SLC35F3: variants seen among roughly 807,000 people sequenced by gnomAD.
SLC35F3 encodes solute carrier family 35 member F3.
In SLC35F3, 25 loss-of-function variants were observed where a neutral mutation model predicts 49.9. The ratio of observed to expected loss-of-function variants is 0.50; its 90% CI spans 0.37 to 0.70. The LOEUF (loss-of-function observed/expected upper bound fraction) is 0.70. Among genes scored for constraint, SLC35F3 ranks in the 30% least tolerant of loss-of-function variants. SLC35F3 has a pLI of 0.00. For synonymous variants in SLC35F3, 275 were observed against 265.4 expected (o/e 1.04, Z -0.35); for missense variants, 525 against 639.8 (o/e 0.82, Z 1.94).
chr1:233,999,819 G>A (rs1663523154), intron 2 of SLC35F3, among the ~76,000 whole-genome samples: 1 of 152,026 alleles, frequency 6.6e-6, no homozygotes, highest in African/African-American at 2.4e-5. Context: ...GTGAAAACAG[G>A]GATGGCATCT....
chr1:233,980,424 G>A (rs377470733), intron 2 of SLC35F3, among the ~76,000 whole-genome samples: 37 of 152,270 alleles, frequency 2.4e-4, no homozygotes, highest in African/African-American at 7.0e-4. Flanking sequence ...TCTCTTCTCC[G>A]CATCATGCTA....
At chr1:234,255,139 G>A (rs184155001) in intron 3 of SLC35F3, among the ~76,000 whole-genome samples, 25 of 152,208 alleles carry the variant, frequency 1.6e-4, no homozygotes, top group East Asian at 7.7e-4. Context: ...TATCTAAAAC[G>A]TACAGAGAAC....
At chr1:234,228,513 C>G (rs1167525172) in intron 2 of SLC35F3, among the ~76,000 whole-genome samples, 2 of 152,222 alleles carry the variant, frequency 1.3e-5, no homozygotes, top group African/African-American at 4.8e-5. Flanking sequence ...GCTCTTGGCA[C>G]AGGGCACATG....
intron 2 of SLC35F3, among the ~76,000 whole-genome samples, chr1:234,081,237 G>T (rs1664871452): frequency 6.6e-6 from 1 of 152,196 alleles, no homozygotes; most frequent in African/African-American, 2.4e-5. Context: ...TTATAATATG[G>T]TTGGAATTCC....
rs1667079967 is a variant in SLC35F3 at position 234,214,186 on chromosome 1, G to A, written c.284-17231G>A. The stretch of plus-strand genomic sequence containing the variant: ...GAGGGCGGAGCAGGTGAGCTGCGGG[G>A]TGGGAGCAGGGAGTGCACTTGTACG... On this transcript the variant is annotated intron_variant, in intron 2 of 7. Coordinates refer to ENST00000366618, the MANE Select transcript of SLC35F3 (RefSeq NM_173508.4). This position sits in a 1 kb window ranked among gnomAD's most constrained non-coding sequence, Gnocchi z 8.0. 5 of 1,116,102 alleles carry A rather than the reference G, an allele frequency of 4.5e-6. No individual in the cohort carries two copies. Among genetic ancestry groups the A allele is most frequent in the Non-Finnish European group, 5.5e-6 (5 of 914,490 alleles). 69.1% of individuals were successfully genotyped at this position (1,116,102 alleles called of 1,614,324 possible).
intron 2 of SLC35F3, among the ~76,000 whole-genome samples, chr1:234,220,493 C>T (rs191077568): frequency 6.6e-6 from 1 of 152,298 alleles, no homozygotes. Context: ...GCCATGAGCC[C>T]TTGACCTGGG....
chr1:234,288,630 G>A (rs1668459948), intron 3 of SLC35F3, among the ~76,000 whole-genome samples: 1 of 152,206 alleles, frequency 6.6e-6, no homozygotes, highest in Non-Finnish European at 1.5e-5. Context: ...TTTCTCTCAT[G>A]CCAGCCTCTT....
intron 2 of SLC35F3, among the ~76,000 whole-genome samples, chr1:234,084,423 C>T (rs1249917293): frequency 2.0e-5 from 3 of 152,154 alleles, no homozygotes. Context: ...TTCAAAAGCC[C>T]AGTCTGCACA....
chr1:233,995,629 C>A (rs1380577784), intron 2 of SLC35F3, among the ~76,000 whole-genome samples: 1 of 152,138 alleles, frequency 6.6e-6, no homozygotes, highest in African/African-American at 2.4e-5. Flanking sequence ...CACGCGGAGG[C>A]TTTTCTTGGA....
At chr1:234,097,988 G>A (rs926650349) in intron 2 of SLC35F3, among the ~76,000 whole-genome samples, 1 of 151,972 alleles carries the variant, frequency 6.6e-6, no homozygotes, top group Non-Finnish European at 1.5e-5. Context: ...TCAGATGGTG[G>A]TGGTAGTGAC....
chr1:234,101,164 C>G (rs1344062284), intron 2 of SLC35F3, among the ~76,000 whole-genome samples: 2 of 152,034 alleles, frequency 1.3e-5, no homozygotes, highest in Non-Finnish European at 2.9e-5. Context: ...GCCACAAAAG[C>G]AGGTTGGGTG....
At chr1:233,933,125 A>G (rs1300817977) in intron 2 of SLC35F3, among the ~76,000 whole-genome samples, 1 of 151,190 alleles carries the variant, frequency 6.6e-6, no homozygotes, top group Non-Finnish European at 1.5e-5. Flanking sequence ...TTTACTACTT[A>G]TTTGTTTTCC....
intron 2 of SLC35F3, among the ~76,000 whole-genome samples, chr1:234,018,084 C>T (rs768271751): frequency 6.6e-6 from 1 of 152,042 alleles, no homozygotes; most frequent in African/African-American, 2.4e-5. Context: ...AAGGCAGAGG[C>T]CTTCTTTGGC....
intron 2 of SLC35F3, among the ~76,000 whole-genome samples, chr1:234,011,273 A>G (rs1208723011): frequency 6.6e-6 from 1 of 152,230 alleles, no homozygotes; most frequent in Non-Finnish European, 1.5e-5. Flanking sequence ...CAAAAATTAC[A>G]AGGAATGCCT....
chr1:233,992,234 A>G (rs1349046886), intron 2 of SLC35F3, among the ~76,000 whole-genome samples: 8 of 152,212 alleles, frequency 5.3e-5, no homozygotes, highest in Admixed American at 2.6e-4. Flanking sequence ...AAATAAATAC[A>G]ATAAGTGAAT....
chr1:234,093,487 A>G (rs1035790227), intron 2 of SLC35F3, among the ~76,000 whole-genome samples: 3 of 152,204 alleles, frequency 2.0e-5, no homozygotes, highest in Non-Finnish European at 2.9e-5. Context: ...TCTGTTTACT[A>G]TCAGTCCTTT....
chr1:233,941,087 G>C (rs377279584), intron 2 of SLC35F3, among the ~76,000 whole-genome samples: 2 of 152,134 alleles, frequency 1.3e-5, no homozygotes, highest in Non-Finnish European at 2.9e-5. Flanking sequence ...AGTTGGAACA[G>C]TAACGGAAAT....
At chr1:234,258,392 T>C (rs1667853037) in intron 3 of SLC35F3, among the ~76,000 whole-genome samples, 1 of 152,350 alleles carries the variant, frequency 6.6e-6, no homozygotes, top group South Asian at 2.1e-4. Context: ...GGTTTTACGA[T>C]AATGATATTA....
intron 2 of SLC35F3, among the ~76,000 whole-genome samples, chr1:234,131,040 G>T (rs12119808): frequency 6.6e-6 from 1 of 151,744 alleles, no homozygotes; most frequent in East Asian, 1.9e-4. Context: ...AAAACATATT[G>T]TACAATTTTA....
Sources: allele counts gnomAD v4.1 joint callset (sites outside exome capture counted in the v4.1 genomes callset), GRCh38; gene constraint gnomAD v4.1.1; non-coding constraint Gnocchi (gnomAD v3.1); transcripts MANE v1.5; gene names NCBI Gene and HGNC (gene_info 2026-07-23, HGNC 2026-07-21).